Variants in CYP2A6 observed in about 807,000 individuals in gnomAD.
CYP2A6 encodes the protein cytochrome P450 family 2 subfamily A member 6, also known as cytochrome P450 2A6.
A neutral mutation model predicts 42.3 loss-of-function variants in CYP2A6; 27 were observed. That is an observed-to-expected ratio of 0.64 (90% CI 0.47 to 0.88). CYP2A6 has a LOEUF of 0.88. Among genes scored for constraint, CYP2A6 ranks in the 40% least tolerant of loss-of-function variants. The probability of loss-of-function intolerance (pLI) is 0.00; values close to 1 mark genes in which losing one functional copy is unlikely to be tolerated. For missense variants in CYP2A6, 628 were observed against 646.0 expected, an observed-to-expected ratio of 0.97 and a Z score of 0.30; for synonymous variants, 238 against 246.3, an observed-to-expected ratio of 0.97 and a Z score of 0.31.
rs751357687 is a variant in CYP2A6 at position 40,850,240 on chromosome 19, G to A, written c.180+7C>T. On this transcript the variant is annotated splice_region_variant and intron_variant, in intron 1 of 8. Transcript: ENST00000301141. ...CCCGTGCCACCCATCTCCCTGCCTTGGGACACCTTCATGAGGGAGTTGTAC... is the reference window on the plus strand; with the variant it reads ...CCCGTGCCACCCATCTCCCTGCCTTAGGACACCTTCATGAGGGAGTTGTAC... 15 of 1,605,350 alleles carry A rather than the reference G, an allele frequency of 9.3e-6. 2 individuals are homozygous for A. The highest frequency in any genetic ancestry group is 9.4e-6 in the Non-Finnish European group (11 of 1,175,750).
chr19:40,845,021 A>G (rs1176593940), intron 7 of CYP2A6: 44 of 653,452 alleles, frequency 6.7e-5, no homozygotes, highest in Admixed American at 1.5e-4. Context: ...TGTCCCTATG[A>G]CAAAAGGCCG....
chr19:40,848,430 C>T (rs372268476), intron 3 of CYP2A6, 51 bp from the exon 4 acceptor site: 1 of 1,607,046 alleles, frequency 6.2e-7, no homozygotes, highest in Non-Finnish European at 8.5e-7. Context: ...ACTCAGAGGT[C>T]TGAGGAGAGT....
intron 4 of CYP2A6, 110 bp from the exon 5 acceptor site, chr19:40,847,161 G>A (rs1462107388): frequency 6.8e-7 from 1 of 1,472,562 alleles, no homozygotes; most frequent in African/African-American, 1.4e-5. Context: ...AAAGGCATCT[G>A]TCTCGTTGTT....
intron 1 of CYP2A6, 64 bp from the exon 2 acceptor site, chr19:40,850,044 G>A (rs889563013): frequency 1.9e-5 from 31 of 1,592,398 alleles, no homozygotes; most frequent in Middle Eastern, 1.7e-4. Flanking sequence ...GCCCAGCACC[G>A]AGATGTCATG....
At position 40,849,939 on chromosome 19, in the gene CYP2A6, C is replaced by T. The variant is rs1432430050; in HGVS notation, c.222G>A (p.Gly74=). The stretch of plus-strand genomic sequence containing the variant: ...CACACAGCACCACGACCCGCCGGGG[C>T]CCCAAGTGAATGGTGAACACGGGGC... ...RYGPVFTIHL[G]PRRVVVLCGH... The change falls in exon 2 of 9, where the codon GGG becomes GGA. Residue 74 remains glycine (G), a synonymous_variant. Coordinates refer to ENST00000301141, the MANE Select transcript of CYP2A6 (RefSeq NM_000762.6). The T allele has an allele frequency of 1.9e-6, 3 of 1,611,450 alleles. No individual in the cohort carries two copies. Among genetic ancestry groups the T allele is most frequent in the Non-Finnish European group, 2.5e-6 (3 of 1,179,684 alleles).
rs760608680 is a variant in CYP2A6, at chr19:40,845,491, G to A, written c.974-10C>T. The stretch of plus-strand genomic sequence containing the variant: ...TCCTCATGGACCTTGGCTGGGGGAG[G>A]AGGGGGAATGTGTTTAGGTATCTAG... On this transcript the variant is annotated splice_polypyrimidine_tract_variant and intron_variant, in intron 6 of 8. Coordinates refer to ENST00000301141, the MANE Select transcript of CYP2A6 (RefSeq NM_000762.6). The A allele has an allele frequency of 2.5e-6, 4 of 1,611,182 alleles. No individual in the cohort carries two copies. The Admixed American group carries it at 5.0e-5, about 20-fold the overall frequency.
In CYP2A6 at chr19:40,845,424, T is replaced by G; in HGVS notation, c.1031A>C (p.Glu344Ala). ...VIGKNRQPKF[E>A]DRAKMPYMEA... Reference sequence around the variant, plus strand: ...CATGTAGGGCATCTTGGCCCGGTCCTCAAACTTGGGCTGCCGGTTCTTGCC... The same window carrying G: ...CATGTAGGGCATCTTGGCCCGGTCCGCAAACTTGGGCTGCCGGTTCTTGCC... The change falls in exon 7 of 9, where the codon GAG (glutamate) becomes GCG (alanine). Residue 344 changes from glutamate (E) to alanine (A), a missense_variant. Transcript: ENST00000301141. 6.2e-7 allele frequency: 1 copy of G among 1,611,830 alleles called. No homozygotes were observed. Among genetic ancestry groups the G allele is most frequent in the Non-Finnish European group, 8.5e-7 (1 of 1,179,920 alleles).
In CYP2A6 at chr19:40,848,679, C is replaced by G. The variant is rs780336943; in HGVS notation, c.428G>C (p.Arg143Pro). The G allele has an allele frequency of 6.2e-6, 10 of 1,611,986 alleles. No homozygotes were observed. The highest frequency in any genetic ancestry group is 7.6e-6 in the Non-Finnish European group (9 of 1,179,898). Residue 143 changes from arginine (R) to proline (P), a missense_variant, in exon 3 of 9, where the codon CGA (arginine) becomes CCA (proline). Arg to Pro is a moderately radical substitution (Grantham distance 103). Transcript: ENST00000301141. ...CTCCTGGATGCGCTCCTCGATGCCT[C>G]GCTTGCCCACCCCGAAGTCCCGCAG... Reference protein sequence around the residue: ...ATLRDFGVGKRGIEERIQEEA... With the variant: ...ATLRDFGVGKPGIEERIQEEA...
intron 6 of CYP2A6, 78 bp from the exon 7 acceptor site, chr19:40,845,559 G>T: frequency 6.3e-7 from 1 of 1,579,424 alleles, no homozygotes; most frequent in Non-Finnish European, 8.6e-7. Context: ...GGCAAAATGG[G>T]GTGGATGATA....
At chr19:40,850,185 C>T (rs1967195381) in intron 1 of CYP2A6, 62 bp downstream of exon 1, 2 of 1,573,974 alleles carry the variant, frequency 1.3e-6, no homozygotes, top group South Asian at 2.4e-5. Context: ...CCCCCTGCCA[C>T]AAAGCCCCAG....
intron 4 of CYP2A6, 81 bp from the exon 5 acceptor site, chr19:40,847,132 G>A (rs1180423009): frequency 1.3e-6 from 2 of 1,542,876 alleles, no homozygotes; most frequent in Non-Finnish European, 1.8e-6. Flanking sequence ...TTGTTTCATA[G>A]CAAGGAAGGA....
chr19:40,844,431 G>A (rs1351442840), intron 8 of CYP2A6, among the ~76,000 whole-genome samples, 200 bp downstream of exon 8: 1 of 151,384 alleles, frequency 6.6e-6, no homozygotes, highest in Admixed American at 6.6e-5. Flanking sequence ...TACGGGGAAA[G>A]ATGTTTCCTT....
At chr19:40,849,041 G>GA (rs1415776979) in intron 2 of CYP2A6, among the ~76,000 whole-genome samples, 1 of 41,596 alleles carries the variant, frequency 2.4e-5, no homozygotes, top group African/African-American at 7.6e-5. Flanking sequence ...AGAGAAGAGA[G>GA]AGAGGAGAGA....
chr19:40,844,585 C>A, intron 8 of CYP2A6, 46 bp downstream of exon 8: 1 of 1,610,546 alleles, frequency 6.2e-7, no homozygotes, highest in South Asian at 1.1e-5. Context: ...GAGGGAGGCC[C>A]CTGCTGGTGT....
chr19:40,847,119 G>A, intron 4 of CYP2A6, 68 bp from the exon 5 acceptor site: 2 of 1,563,916 alleles, frequency 1.3e-6, no homozygotes, highest in South Asian at 2.4e-5. Context: ...ATGGGAATGG[G>A]ATTTGTTTCA....
chr19:40,845,936 C>T lies in CYP2A6; in HGVS notation c.973+20G>A. On this transcript the variant is annotated intron_variant, in intron 6 of 8. Coordinates refer to ENST00000301141, the MANE Select transcript of CYP2A6 (RefSeq NM_000762.6). Reference sequence around the variant, plus strand: ...TTTGAGGGTCTGGGGCCCTCCACTTCCGTCCCCCTCCAGCCTTACCCTCCA... The same window carrying T: ...TTTGAGGGTCTGGGGCCCTCCACTTTCGTCCCCCTCCAGCCTTACCCTCCA... 6.2e-7 allele frequency: 1 copy of T among 1,608,042 alleles called. No individual in the cohort carries two copies. Among genetic ancestry groups the T allele is most frequent in the Non-Finnish European group, 8.5e-7 (1 of 1,178,532 alleles).
At chr19:40,848,494 A>G in intron 3 of CYP2A6, 115 bp from the exon 4 acceptor site, 6 of 1,578,736 alleles carry the variant, frequency 3.8e-6, no homozygotes, top group Admixed American at 3.5e-5. Context: ...GCCAGACTCC[A>G]GGGCTGGAAG....
chr19:40,846,473 A>C (rs1212621367), intron 5 of CYP2A6, among the ~76,000 whole-genome samples: 1 of 151,226 alleles, frequency 6.6e-6, no homozygotes, highest in Non-Finnish European at 1.5e-5. Flanking sequence ...CATGCGCATG[A>C]CCATGCAGGC....
chr19:40,846,310 C>T (rs1409480197), intron 5 of CYP2A6, among the ~76,000 whole-genome samples: 27 of 151,142 alleles, frequency 1.8e-4, no homozygotes, highest in Non-Finnish European at 4.0e-4. Context: ...CCTTGCTGAC[C>T]ATCTGTCCTT....
Sources: gnomAD v4.1 joint callset for allele counts (sites outside exome capture counted in the v4.1 genomes callset) on GRCh38, gnomAD v4.1.1 for gene constraint, MANE v1.5 for transcripts, NCBI Gene and HGNC (gene_info 2026-07-23, HGNC 2026-07-21) for gene names.